Variants in MACROD2 observed in about 807,000 individuals in gnomAD.
MACROD2 encodes the protein mono-ADP ribosylhydrolase 2, also known as ADP-ribose glycohydrolase MACROD2.
Under a neutral mutation model 70.4 loss-of-function variants are expected in MACROD2, and 36 were observed. That is an observed-to-expected ratio of 0.51 (90% confidence interval 0.39 to 0.68). The LOEUF is 0.68. MACROD2 is among the 30% of genes least tolerant of loss of function. The pLI, the probability that MACROD2 is intolerant of heterozygous loss-of-function variation, is 0.00. For synonymous variants in MACROD2, 172 were observed against 178.8 expected (o/e 0.96, Z 0.30); for missense variants, 496 against 538.4 (o/e 0.92, Z 0.78).
intron 5 of MACROD2, among the ~76,000 whole-genome samples, chr20:14,920,906 T>A (rs1365726586): frequency 1.3e-5 from 2 of 152,152 alleles, no homozygotes; most frequent in African/African-American, 2.4e-5. Flanking sequence ...GTCTTTAGGT[T>A]TAAAAATAAT....
At chr20:15,866,900 G>A (rs2064501286) in intron 9 of MACROD2, among the ~76,000 whole-genome samples, 1 of 152,176 alleles carries the variant, frequency 6.6e-6, no homozygotes, top group Non-Finnish European at 1.5e-5. Context: ...GGCCTTTATA[G>A]CATCTACAGG....
chr20:15,577,924 G>T (rs1151926), intron 8 of MACROD2, among the ~76,000 whole-genome samples: 129,136 of 152,174 alleles, frequency 0.85, 55,814 homozygotes, highest in Non-Finnish European at 0.94. Context: ...TGAATATAAG[G>T]TCAGTTACCT....
intron 5 of MACROD2, among the ~76,000 whole-genome samples, chr20:15,036,362 C>T (rs1364618599): frequency 6.6e-6 from 1 of 152,088 alleles, no homozygotes; most frequent in East Asian, 1.9e-4. Flanking sequence ...TGGTGGTTCT[C>T]AAAGTGTAGT....
chr20:14,728,305 G>A (rs1033635912), intron 5 of MACROD2, among the ~76,000 whole-genome samples: 9 of 152,122 alleles, frequency 5.9e-5, no homozygotes, highest in African/African-American at 1.9e-4. Context: ...GAATTAAACC[G>A]AAGTCCTTAT....
intron 7 of MACROD2, among the ~76,000 whole-genome samples, chr20:15,443,407 T>A (rs939220506): frequency 3.9e-5 from 6 of 152,164 alleles, no homozygotes; most frequent in Admixed American, 1.3e-4. Context: ...TAATAGTTCA[T>A]ACCTGTTTCC....
intron 5 of MACROD2, among the ~76,000 whole-genome samples, chr20:14,720,569 T>TTTTTTTTTTTTTTTTTTTTTATGTGTG (rs531072431): frequency 1.2e-5 from 1 of 84,094 alleles, no homozygotes; most frequent in African/African-American, 4.7e-5. Flanking sequence ...TTTTTTTTTT[T>TTTTTTTTTTTTTTTTTTTTTATGTGTG]TGTGAGGCAG....
chr20:14,763,113 G>A (rs1204135122), intron 5 of MACROD2, among the ~76,000 whole-genome samples: 1 of 152,046 alleles, frequency 6.6e-6, no homozygotes, highest in East Asian at 1.9e-4. Context: ...GGATGTTAAG[G>A]AATGAATGAA....
At chr20:14,709,329 G>A (rs2071309223) in intron 5 of MACROD2, among the ~76,000 whole-genome samples, 1 of 151,798 alleles carries the variant, frequency 6.6e-6, no homozygotes, top group Non-Finnish European at 1.5e-5. Context: ...CACCTAGAGG[G>A]GCACGAAGTC....
chr20:15,600,867 C>T (rs2048810566), intron 8 of MACROD2, among the ~76,000 whole-genome samples: 1 of 152,154 alleles, frequency 6.6e-6, no homozygotes, highest in Admixed American at 6.5e-5. Context: ...AAAACCTTGA[C>T]ATTTTGACCA....
chr20:14,647,510 A>G (rs1015229859), intron 4 of MACROD2, among the ~76,000 whole-genome samples: 1 of 152,144 alleles, frequency 6.6e-6, no homozygotes, highest in Non-Finnish European at 1.5e-5. Flanking sequence ...AGGAATTGTC[A>G]TGGCTAACAC....
chr20:14,316,576 A>G (rs1157317067), intron 3 of MACROD2, among the ~76,000 whole-genome samples: 1 of 151,974 alleles, frequency 6.6e-6, no homozygotes, highest in East Asian at 1.9e-4. Flanking sequence ...TTTATTTTTT[A>G]TTTTTAGCTC....
At chr20:15,523,344 T>C (rs776790493) in intron 8 of MACROD2, among the ~76,000 whole-genome samples, 6 of 152,220 alleles carry the variant, frequency 3.9e-5, no homozygotes, top group Non-Finnish European at 7.3e-5. Context: ...GCTGAATTTT[T>C]AGAGCCATCA....
intron 4 of MACROD2, among the ~76,000 whole-genome samples, chr20:14,658,981 C>T (rs1489893398): frequency 6.6e-6 from 1 of 152,156 alleles, no homozygotes; most frequent in Admixed American, 6.5e-5. Context: ...GAATCACCTG[C>T]AGGGCTTGCC....
chr20:14,130,257 A>C (rs1445814948), intron 3 of MACROD2, among the ~76,000 whole-genome samples: 1 of 152,186 alleles, frequency 6.6e-6, no homozygotes, highest in East Asian at 1.9e-4. Context: ...TAAACCAAGA[A>C]AATATCTAGG....
intron 8 of MACROD2, among the ~76,000 whole-genome samples, chr20:15,570,181 C>G (rs2048358943): frequency 6.6e-6 from 1 of 152,094 alleles, no homozygotes; most frequent in Admixed American, 6.6e-5. Context: ...TTCCTTTTCT[C>G]TACAGCCTTG....
intron 3 of MACROD2, among the ~76,000 whole-genome samples, chr20:14,453,932 CTTAA>C (rs940980341): frequency 5.3e-5 from 8 of 151,334 alleles, no homozygotes; most frequent in African/African-American, 1.5e-4. Flanking sequence ...GTTTTCATAC[CTTAA>C]TTTATTTAAC....
At chr20:15,170,137 G>T (rs1318989595) in intron 5 of MACROD2, among the ~76,000 whole-genome samples, 1 of 152,098 alleles carries the variant, frequency 6.6e-6, no homozygotes, top group Non-Finnish European at 1.5e-5. Flanking sequence ...CAACTCTTTA[G>T]GTTAGCTTGC....
At chr20:14,640,534 C>A (rs1405953289) in intron 4 of MACROD2, among the ~76,000 whole-genome samples, 1 of 152,114 alleles carries the variant, frequency 6.6e-6, no homozygotes, top group Non-Finnish European at 1.5e-5. Flanking sequence ...TCAAAGAGTG[C>A]TGAGAAGTGG....
chr20:14,182,423 G>A (rs2081312049), intron 3 of MACROD2, among the ~76,000 whole-genome samples: 1 of 151,734 alleles, frequency 6.6e-6, no homozygotes, highest in Non-Finnish European at 1.5e-5. Flanking sequence ...TCCATCCTTT[G>A]GGTTGTCTTT....
Sources: gnomAD v4.1 joint callset for allele counts (sites outside exome capture counted in the v4.1 genomes callset) on GRCh38, gnomAD v4.1.1 for gene constraint, MANE v1.5 for transcripts, NCBI Gene and HGNC (gene_info 2026-07-23, HGNC 2026-07-21) for gene names.